Variants in ROBO2 observed in about 807,000 individuals in gnomAD.
The protein encoded by ROBO2 is roundabout homolog 2.
ROBO2 carries 53 observed loss-of-function variants against 160.8 expected under a neutral mutation model. The observed-to-expected ratio is 0.33, with a 90% CI of 0.26 to 0.41. The LOEUF is 0.41. Ranked by LOEUF, ROBO2 falls within the 10% of genes least tolerant of loss-of-function variation. The probability of loss-of-function intolerance (pLI) is 1.00; values close to 1 mark genes in which losing one functional copy is unlikely to be tolerated. For synonymous variants in ROBO2, 664 were observed against 611.7 expected (o/e 1.09, Z -1.26); for missense variants, 1,577 against 1,722.4 (o/e 0.92, Z 1.49).
chr3:76,242,527 T>A (rs181307204), intron 2 of ROBO2, among the ~76,000 whole-genome samples: 5 of 152,296 alleles, frequency 3.3e-5, no homozygotes, highest in Admixed American at 2.6e-4. Context: ...CTGCTCTGTC[T>A]TTCCTGTGCC....
intron 24 of ROBO2, chr3:77,642,770 A>G (rs542463312): frequency 2.2e-6 from 1 of 456,722 alleles, no homozygotes; most frequent in South Asian, 1.5e-5. Context: ...GCAGAGAGAA[A>G]AGGAAGCTCT....
At chr3:76,637,035 C>T (rs755814948) in intron 2 of ROBO2, among the ~76,000 whole-genome samples, 3 of 151,892 alleles carry the variant, frequency 2.0e-5, no homozygotes, top group Non-Finnish European at 2.9e-5. Context: ...GAGCAAGCAG[C>T]AAGGAATAGA....
At chr3:76,665,877 T>TAC (rs67249004) in intron 2 of ROBO2, among the ~76,000 whole-genome samples, 5 of 45,164 alleles carry the variant, frequency 1.1e-4, no homozygotes, top group Non-Finnish European at 2.0e-4. Context: ...ATATACGTAT[T>TAC]ATATATATAA....
chr3:76,837,147 C>A (rs2067774645), intron 2 of ROBO2, among the ~76,000 whole-genome samples: 1 of 151,844 alleles, frequency 6.6e-6, no homozygotes, highest in African/African-American at 2.4e-5. Context: ...GATTCCCATG[C>A]TTTCATTTAC....
chr3:76,250,630 C>G (rs1336191325), intron 2 of ROBO2, among the ~76,000 whole-genome samples: 1 of 151,922 alleles, frequency 6.6e-6, no homozygotes, highest in Non-Finnish European at 1.5e-5. Context: ...TCAGTTTACT[C>G]AAGGGTGAAA....
chr3:77,368,253 TCA>T (rs1560640126), intron 2 of ROBO2, among the ~76,000 whole-genome samples: 2 of 47,686 alleles, frequency 4.2e-5, no homozygotes, highest in Non-Finnish European at 9.4e-5. Context: ...TCAAATACAT[TCA>T]TTTTTTTGTT....
intron 2 of ROBO2, among the ~76,000 whole-genome samples, chr3:76,980,540 A>G (rs1473368438): frequency 6.6e-6 from 1 of 152,170 alleles, no homozygotes; most frequent in Non-Finnish European, 1.5e-5. Flanking sequence ...TCAATAACAA[A>G]ATTTGTTTTA....
At chr3:77,016,077 C>T (rs759014734) in intron 2 of ROBO2, among the ~76,000 whole-genome samples, 1 of 151,894 alleles carries the variant, frequency 6.6e-6, no homozygotes, top group African/African-American at 2.4e-5. Context: ...CCCGGGTTCA[C>T]GCCATTCTCC....
chr3:76,608,719 A>G (rs1273281853), intron 2 of ROBO2, among the ~76,000 whole-genome samples: 1 of 152,076 alleles, frequency 6.6e-6, no homozygotes, highest in African/African-American at 2.4e-5. Flanking sequence ...CTTAAATTTA[A>G]GTCTTTAATT....
At chr3:77,267,777 A>G (rs915778482) in intron 2 of ROBO2, among the ~76,000 whole-genome samples, 1 of 152,096 alleles carries the variant, frequency 6.6e-6, no homozygotes, top group Admixed American at 6.6e-5. Context: ...CATATGTTGT[A>G]AAGCCCTAGG....
At chr3:77,054,923 C>T (rs1201346264) in intron 1 of ROBO2, among the ~76,000 whole-genome samples, 2 of 58,804 alleles carry the variant, frequency 3.4e-5, no homozygotes, top group East Asian at 7.9e-4. Context: ...CAAAATCTCG[C>T]GTGTATGTGT....
intron 2 of ROBO2, among the ~76,000 whole-genome samples, chr3:76,077,443 G>C (rs2068680095): frequency 6.6e-6 from 1 of 152,076 alleles, no homozygotes; most frequent in Admixed American, 6.6e-5. Flanking sequence ...GGCACCTGTA[G>C]TCCCAGGTAC....
At chr3:76,280,158 G>A (rs1028695907) in intron 2 of ROBO2, among the ~76,000 whole-genome samples, 17 of 151,866 alleles carry the variant, frequency 1.1e-4, no homozygotes, top group Admixed American at 5.3e-4. Flanking sequence ...CTGTTAAAGC[G>A]AATAGTCTTG....
At chr3:77,402,383 T>C (rs989048132) in intron 2 of ROBO2, among the ~76,000 whole-genome samples, 3 of 151,996 alleles carry the variant, frequency 2.0e-5, no homozygotes, top group Non-Finnish European at 4.4e-5. Context: ...TGTATACCTA[T>C]GTAACAAAAC....
intron 2 of ROBO2, among the ~76,000 whole-genome samples, chr3:76,335,678 C>T (rs1015730019): frequency 7.3e-4 from 110 of 151,118 alleles, no homozygotes; most frequent in African/African-American, 2.3e-3. Flanking sequence ...CCCGGGTTCA[C>T]GCCATTCTCC....
At chr3:77,196,774 G>A (rs1035638901) in intron 2 of ROBO2, among the ~76,000 whole-genome samples, 8 of 151,976 alleles carry the variant, frequency 5.3e-5, no homozygotes, top group African/African-American at 1.9e-4. Context: ...TTAGGCAAAT[G>A]TAGAAAAATA....
At chr3:76,309,988 ATT>A (rs758057289) in intron 2 of ROBO2, among the ~76,000 whole-genome samples, 2 of 145,192 alleles carry the variant, frequency 1.4e-5, no homozygotes, top group African/African-American at 2.5e-5. Context: ...TGCATGGCTA[ATT>A]TTTTTTTTTT....
At chr3:76,122,999 G>A (rs1202111337) in intron 2 of ROBO2, among the ~76,000 whole-genome samples, 5 of 151,716 alleles carry the variant, frequency 3.3e-5, no homozygotes, top group African/African-American at 1.2e-4. Flanking sequence ...TGCCCACCTC[G>A]GCCTCCCAAA....
At chr3:76,091,127 A>C (rs997378840) in intron 2 of ROBO2, among the ~76,000 whole-genome samples, 1 of 152,216 alleles carries the variant, frequency 6.6e-6, no homozygotes, top group Admixed American at 6.5e-5. Flanking sequence ...ACTTTTGCTC[A>C]TCACAGCCAC....
Sources: gnomAD v4.1 joint callset for allele counts (sites outside exome capture counted in the v4.1 genomes callset) on GRCh38, gnomAD v4.1.1 for gene constraint, MANE v1.5 for transcripts, NCBI Gene and HGNC (gene_info 2026-07-23, HGNC 2026-07-21) for gene names.